GOLGA4: variants seen among roughly 807,000 people sequenced by gnomAD.
The protein encoded by GOLGA4 is golgin subfamily A member 4.
In GOLGA4, 169 loss-of-function variants were observed where a neutral mutation model predicts 265.9. The observed-to-expected ratio is 0.64, with a 90% CI of 0.56 to 0.72. The LOEUF (loss-of-function observed/expected upper bound fraction) is 0.72. GOLGA4 is among the 30% of genes least tolerant of loss of function. The pLI is 0.00. For missense variants in GOLGA4, 2,482 were observed against 2,483.4 expected, an observed-to-expected ratio of 1.00 and a Z score of 0.01; for synonymous variants, 923 against 855.8, an observed-to-expected ratio of 1.08 and a Z score of -1.37.
At chr3:37,258,176 A>G (rs1396445809) in intron 2 of GOLGA4, among the ~76,000 whole-genome samples, 2 of 145,028 alleles carry the variant, frequency 1.4e-5, no homozygotes, top group Non-Finnish European at 3.0e-5. Context: ...TATATATAGC[A>G]TATATATGCT....
At chr3:37,309,753 G>A (rs771195979) in intron 10 of GOLGA4, among the ~76,000 whole-genome samples, 4 of 152,260 alleles carry the variant, frequency 2.6e-5, no homozygotes, top group Non-Finnish European at 5.9e-5. Flanking sequence ...GCCTGTTTCT[G>A]CATTTAATCC....
intron 2 of GOLGA4, among the ~76,000 whole-genome samples, chr3:37,268,995 T>G (rs2096791057): frequency 6.6e-6 from 1 of 152,222 alleles, no homozygotes; most frequent in Admixed American, 6.5e-5. Flanking sequence ...CTTAGTTAAG[T>G]TTTTTGAAAA....
chr3:37,353,315 C>A (rs1367879240), intron 21 of GOLGA4, among the ~76,000 whole-genome samples: 2 of 151,946 alleles, frequency 1.3e-5, no homozygotes, highest in Admixed American at 1.3e-4. Context: ...CAAAGAATTC[C>A]CACACACCTT....
rs757553463 is a variant in GOLGA4, at chr3:37,243,307, C to G, written c.-244C>G. On this transcript the variant is annotated 5_prime_UTR_variant, in exon 1 of 24. Coordinates refer to ENST00000361924, the MANE Select transcript of GOLGA4 (RefSeq NM_002078.5). ...TGCCGTTGTCGTCGCCGCCGCGGCT[C>G]CCGGGGCTGGATGGGGGGCCGAGGC... The G allele has an allele frequency of 5.4e-6, 3 of 556,186 alleles. No homozygotes were observed. Among genetic ancestry groups the G allele is most frequent in the Admixed American group, 3.4e-5 (1 of 29,184 alleles). The allele number at this position is 556,186 out of a possible 1,614,324, so 34.5% of individuals were successfully genotyped here.
At chr3:37,243,682 C>G (rs1434866120) in intron 1 of GOLGA4, 60 bp downstream of exon 1, 1 of 1,382,480 alleles carries the variant, frequency 7.2e-7, no homozygotes, top group Non-Finnish European at 1.0e-6. Context: ...GGCCCGCGGA[C>G]GAAAGAGGCG....
intron 1 of GOLGA4, among the ~76,000 whole-genome samples, chr3:37,246,784 T>A (rs1026805464): frequency 3.3e-5 from 5 of 152,184 alleles, no homozygotes; most frequent in South Asian, 2.1e-4. Context: ...TGTATATTTT[T>A]AAAAAATCAA....
intron 16 of GOLGA4, among the ~76,000 whole-genome samples, chr3:37,334,505 A>C (rs1188392251): frequency 1.3e-5 from 2 of 152,160 alleles, no homozygotes; most frequent in Admixed American, 6.5e-5. Context: ...GCCTAACTAA[A>C]GAGGGTGAGA....
intron 17 of GOLGA4, among the ~76,000 whole-genome samples, chr3:37,336,760 AAAAGAAAG>A (rs1264406951): frequency 3.3e-5 from 5 of 152,010 alleles, no homozygotes; most frequent in Admixed American, 3.3e-4. Context: ...CAAGAAGAGC[AAAAGAAAG>A]AGAGAAAGAG....
Position 37,295,078 on chromosome 3 carries a change from G to A in GOLGA4, c.681+1G>A. 1 of 1,470,036 alleles carries A rather than the reference G, an allele frequency of 6.8e-7. No homozygotes were observed. The highest frequency in any genetic ancestry group is 2.4e-5 in the East Asian group (1 of 41,920). The allele number at this position is 1,470,036 out of a possible 1,614,324, so 91.1% of individuals were successfully genotyped here. A position where few individuals can be genotyped will look rare whatever the true frequency, so the allele number is the denominator to read the frequency against. Reference sequence around the variant, plus strand: ...GTATATCAGTGTTCTCCAAACTCAGGTAAAAGAGTAAAAGAAAAAGTGTGG... The same window carrying A: ...GTATATCAGTGTTCTCCAAACTCAGATAAAAGAGTAAAAGAAAAAGTGTGG... On this transcript the variant is annotated splice_donor_variant, in intron 6 of 23. Transcript: ENST00000361924. LOFTEE classifies it high-confidence loss of function.
rs4021346 is a variant in GOLGA4, at chr3:37,328,233, GACACACACACACAC to G, written c.5940-160_5940-147del. Among the ~76,000 whole-genome samples the G allele has an allele frequency of 1.4e-4, 20 of 138,536 alleles. 1 individual carries two copies. Among genetic ancestry groups the G allele is most frequent in the South Asian group, 1.2e-3 (5 of 4,128 alleles). The allele number at this position is 138,536 out of a possible 152,430, so 90.9% of individuals were successfully genotyped here. A position where few individuals can be genotyped will look rare whatever the true frequency, so the allele number is the denominator to read the frequency against. On this transcript the variant is annotated intron_variant, in intron 14 of 23. Transcript: ENST00000361924. ...GGTAATCATAGTTGATATGTACCTGGACACACACACACACACACACACACACACACACACACTCA... is the reference window on the plus strand; with the variant it reads ...GGTAATCATAGTTGATATGTACCTGGACACACACACACACACACACACTCA...
intron 2 of GOLGA4, among the ~76,000 whole-genome samples, chr3:37,281,199 A>G (rs148894648): frequency 1.2e-4 from 19 of 152,320 alleles, no homozygotes; most frequent in African/African-American, 4.6e-4. Context: ...TGTTATTCCA[A>G]TTAATTAGGA....
At chr3:37,246,529 T>C (rs926382628) in intron 1 of GOLGA4, among the ~76,000 whole-genome samples, 1 of 152,202 alleles carries the variant, frequency 6.6e-6, no homozygotes, top group African/African-American at 2.4e-5. Context: ...AAAGGATGAA[T>C]ACATGACTCC....
intron 10 of GOLGA4, among the ~76,000 whole-genome samples, chr3:37,303,236 C>T (rs1439307985): frequency 1.3e-5 from 2 of 152,094 alleles, no homozygotes; most frequent in African/African-American, 4.8e-5. Flanking sequence ...AATAGGAAGG[C>T]ATAATGTGAT....
chr3:37,336,879 T>TA (rs2097015354), intron 17 of GOLGA4, among the ~76,000 whole-genome samples: 1 of 152,200 alleles, frequency 6.6e-6, no homozygotes, highest in African/African-American at 2.4e-5. Flanking sequence ...TTATTCTTCA[T>TA]AAATTTGTAT....
At chr3:37,363,410 A>G (rs1696495445) in intron 23 of GOLGA4, among the ~76,000 whole-genome samples, 1 of 152,218 alleles carries the variant, frequency 6.6e-6, no homozygotes, top group African/African-American at 2.4e-5. Context: ...TTAATTGATT[A>G]ATTGATTGTC....
rs781707818 is a variant in GOLGA4, at chr3:37,347,274, A to T, written c.6554A>T (p.Tyr2185Phe). The change falls in exon 21 of 24, where the codon TAT becomes TTT. Residue 2185 changes from tyrosine (Y) to phenylalanine (F), a missense_variant. Physicochemically the swap from Tyr to Phe is conservative, Grantham distance 22. Transcript: ENST00000361924. The stretch of plus-strand genomic sequence containing the variant: ...TATTTGCGAAAAGTGCTTTTTGAGT[A>T]TATGATGGGTCGTGAGACTAAGGTA... The part of the protein sequence containing the change: ...FEYLRKVLFE[Y>F]MMGRETKTMA... 6.2e-7 allele frequency: 1 copy of T among 1,602,446 alleles called. No individual in the cohort carries two copies. The highest frequency in any genetic ancestry group is 8.5e-7 in the Non-Finnish European group (1 of 1,169,732).
intron 4 of GOLGA4, among the ~76,000 whole-genome samples, chr3:37,288,701 A>G (rs559327225): frequency 6.6e-6 from 1 of 150,708 alleles, no homozygotes; most frequent in African/African-American, 2.4e-5. Context: ...GATGGTCTCG[A>G]TCTCCTGACC....
chr3:37,286,118 A>G (rs919366600), intron 4 of GOLGA4, 57 bp downstream of exon 4: 10 of 573,478 alleles, frequency 1.7e-5, no homozygotes, highest in Non-Finnish European at 2.3e-5. Context: ...GAAAGATCTT[A>G]TATAGTAAGA....
rs915843469 is a variant in GOLGA4 at position 37,327,628 on chromosome 3, A to T, written c.5742A>T (p.Gln1914His). Reference sequence around the variant, plus strand: ...AAAAGTCCAAATCACATTTGGTCCAACCCAAATTGCTTAGTAACATGGAAG... The same window carrying T: ...AAAAGTCCAAATCACATTTGGTCCATCCCAAATTGCTTAGTAACATGGAAG... ...TEEKSKSHLV[Q>H]PKLLSNMEAQ... The change falls in exon 14 of 24, where the codon CAA becomes CAT. Residue 1914 changes from glutamine (Q) to histidine (H), a missense_variant. By Grantham distance (24) the Gln-to-His change is conservative (BLOSUM62 0). This residue lies in a region of GOLGA4 where 942 missense variants were observed against 983.1 expected (regional missense o/e 0.96). Coordinates refer to ENST00000361924, the MANE Select transcript of GOLGA4 (RefSeq NM_002078.5). The T allele has an allele frequency of 1.2e-6, 2 of 1,613,690 alleles. No individual in the cohort carries two copies. Among genetic ancestry groups the T allele is most frequent in the Non-Finnish European group, 1.7e-6 (2 of 1,179,608 alleles).
Sources: gnomAD v4.1 joint callset for allele counts (sites outside exome capture counted in the v4.1 genomes callset) on GRCh38, gnomAD v4.1.1 for gene constraint, gnomAD v4.1.1 regional missense constraint, MANE v1.5 for transcripts, NCBI Gene and HGNC (gene_info 2026-07-23, HGNC 2026-07-21) for gene names.